Variants in CUL3 observed in about 807,000 individuals in gnomAD.
The protein encoded by CUL3 is cullin 3.
CUL3 carries 19 observed loss-of-function variants against 89.1 expected under a neutral mutation model. That is an observed-to-expected ratio of 0.21 (90% CI 0.15 to 0.31). The LOEUF (loss-of-function observed/expected upper bound fraction) is 0.31. CUL3 is among the 10% of genes least tolerant of loss of function. The pLI is 1.00. For missense variants in CUL3, 469 were observed against 942.3 expected (o/e 0.50, Z 6.58); for synonymous variants, 351 against 308.4 (o/e 1.14, Z -1.45).
At chr2:224,509,282 T>TGA (rs1692724370) in intron 6 of CUL3, among the ~76,000 whole-genome samples, 1 of 152,144 alleles carries the variant, frequency 6.6e-6, no homozygotes, top group African/African-American at 2.4e-5. Flanking sequence ...GGCATCATCT[T>TGA]GGTTCACTGC....
At chr2:224,479,611 T>A (rs1347430769) in intron 14 of CUL3, 11 of 152,134 alleles carry the variant, frequency 7.2e-5, no homozygotes, top group Admixed American at 7.2e-4. Context: ...TTTTCTTGGA[T>A]ATGATATAGG....
chr2:224,583,590 T>TAA (rs542409152), intron 1 of CUL3, among the ~76,000 whole-genome samples: 38 of 152,330 alleles, frequency 2.5e-4, no homozygotes, highest in African/African-American at 8.9e-4. Flanking sequence ...CAAAAAATCT[T>TAA]TAATTATTAT....
intron 6 of CUL3, among the ~76,000 whole-genome samples, chr2:224,507,944 T>C (rs1206054398): frequency 1.3e-5 from 2 of 152,136 alleles, no homozygotes; most frequent in Admixed American, 6.5e-5. Context: ...TATCAGATAA[T>C]AAATATTTTA....
intron 2 of CUL3, among the ~76,000 whole-genome samples, chr2:224,549,181 G>A (rs1241649594): frequency 6.6e-6 from 1 of 151,922 alleles, no homozygotes. Context: ...GCCGAGCATG[G>A]TGGCACACGC....
chr2:224,579,208 T>TA (rs11415023), intron 1 of CUL3, among the ~76,000 whole-genome samples: 2,256 of 152,308 alleles, frequency 0.015, 58 homozygotes, highest in African/African-American at 0.051. Flanking sequence ...GCTATGACAA[T>TA]ACTGGCTGTC....
intron 3 of CUL3, among the ~76,000 whole-genome samples, chr2:224,521,728 T>A (rs545689429): frequency 6.6e-6 from 1 of 152,218 alleles, no homozygotes; most frequent in African/African-American, 2.4e-5. Context: ...AGGATAGTTA[T>A]TTATTAGTAC....
intron 3 of CUL3, among the ~76,000 whole-genome samples, chr2:224,518,381 A>C (rs2106231720): frequency 6.6e-6 from 1 of 151,682 alleles, no homozygotes; most frequent in East Asian, 1.9e-4. Context: ...GCTGATGGAT[A>C]CTTTGGGTTG....
intron 3 of CUL3, among the ~76,000 whole-genome samples, chr2:224,523,076 G>C (rs1048162162): frequency 7.2e-5 from 11 of 152,130 alleles, no homozygotes; most frequent in South Asian, 2.1e-4. Context: ...TGAGGTCTTA[G>C]AGCAATGAAT....
intron 2 of CUL3, among the ~76,000 whole-genome samples, chr2:224,550,089 G>A (rs1694457952): frequency 6.6e-6 from 1 of 152,094 alleles, no homozygotes; most frequent in South Asian, 2.1e-4. Flanking sequence ...TCTTGTCTCT[G>A]TGACTTCATT....
chr2:224,568,101 G>A (rs539500762), intron 1 of CUL3, among the ~76,000 whole-genome samples: 74 of 151,792 alleles, frequency 4.9e-4, no homozygotes, highest in Non-Finnish European at 8.2e-4. Flanking sequence ...TTCTTTATCT[G>A]ATTCTTTACA....
intron 12 of CUL3, among the ~76,000 whole-genome samples, chr2:224,496,869 G>GA (rs1361509444): frequency 2.6e-5 from 4 of 151,336 alleles, no homozygotes; most frequent in Admixed American, 6.6e-5. Context: ...ATTATTTAGG[G>GA]AAAAAAAACC....
chr2:224,537,803 A>G (rs1045168266), intron 2 of CUL3, among the ~76,000 whole-genome samples: 1 of 152,308 alleles, frequency 6.6e-6, no homozygotes, highest in South Asian at 2.1e-4. Flanking sequence ...TTAAATGTTA[A>G]CTACATTAAA....
chr2:224,578,378 G>A (rs1306394518), intron 1 of CUL3, among the ~76,000 whole-genome samples: 1 of 152,038 alleles, frequency 6.6e-6, no homozygotes, highest in Non-Finnish European at 1.5e-5. Flanking sequence ...TAATTTTACT[G>A]TCTGTTCAGC....
chr2:224,579,457 G>C (rs1695385194), intron 1 of CUL3, among the ~76,000 whole-genome samples: 1 of 151,490 alleles, frequency 6.6e-6, no homozygotes, highest in Non-Finnish European at 1.5e-5. Context: ...CCTCAAATCT[G>C]GCAAACATTT....
intron 3 of CUL3, among the ~76,000 whole-genome samples, chr2:224,530,590 C>T (rs1241538629): frequency 5.9e-5 from 9 of 152,176 alleles, no homozygotes; most frequent in Non-Finnish European, 2.9e-5. Flanking sequence ...TTTCAACATA[C>T]ATTAAATTTT....
intron 1 of CUL3, among the ~76,000 whole-genome samples, chr2:224,563,974 T>C (rs574440339): frequency 9.2e-5 from 14 of 152,292 alleles, no homozygotes; most frequent in Non-Finnish European, 1.8e-4. Context: ...ATGCTGAGAT[T>C]GCTAAGATCT....
At chr2:224,499,225 G>A (rs1363430185) in intron 11 of CUL3, among the ~76,000 whole-genome samples, 1 of 152,170 alleles carries the variant, frequency 6.6e-6, no homozygotes, top group Non-Finnish European at 1.5e-5. Flanking sequence ...TGACATCAAG[G>A]TCAGGCAATT....
intron 14 of CUL3, chr2:224,479,077 C>G (rs1285504767): frequency 2.0e-5 from 3 of 152,178 alleles, no homozygotes; most frequent in Admixed American, 2.0e-4. Flanking sequence ...CAACTCTGCT[C>G]TGAATGAAAT....
chr2:224,559,252 C>T (rs1030969098), intron 1 of CUL3, among the ~76,000 whole-genome samples: 1 of 151,860 alleles, frequency 6.6e-6, no homozygotes, highest in Admixed American at 6.6e-5. Flanking sequence ...GAGTTTGAGA[C>T]CAGCCTGGGC....
Sources: gnomAD v4.1 joint callset for allele counts (sites outside exome capture counted in the v4.1 genomes callset) on GRCh38, gnomAD v4.1.1 for gene constraint, MANE v1.5 for transcripts, NCBI Gene and HGNC (gene_info 2026-07-23, HGNC 2026-07-21) for gene names.